The following TMEM232 variants were observed in gnomAD, a reference collection of about 807,000 sequenced individuals.
TMEM232 encodes the protein transmembrane protein 232.
Under a neutral mutation model 78.8 loss-of-function variants are expected in TMEM232, and 80 were observed. The ratio of observed to expected loss-of-function variants is 1.01; its 90% CI spans 0.85 to 1.22. The LOEUF (loss-of-function observed/expected upper bound fraction) is 1.22, where lower values mean the gene tolerates loss of function less well. Ranked by LOEUF, TMEM232 falls within the 50% of genes most tolerant of loss-of-function variation. TMEM232 has a pLI of 0.00. For synonymous variants in TMEM232, 297 were observed against 254.3 expected (o/e 1.17, Z -1.60); for missense variants, 881 against 742.2 (o/e 1.19, Z -2.17).
At chr5:110,569,410 A>G (rs1452679855) in intron 10 of TMEM232, among the ~76,000 whole-genome samples, 2 of 151,834 alleles carry the variant, frequency 1.3e-5, no homozygotes, top group Non-Finnish European at 2.9e-5. Context: ...GATTTGGGAG[A>G]AATAAATTTG....
chr5:110,608,394 C>T (rs1444741880), intron 8 of TMEM232, among the ~76,000 whole-genome samples: 2 of 151,664 alleles, frequency 1.3e-5, no homozygotes, highest in Non-Finnish European at 2.9e-5. Flanking sequence ...TCCAGATGAC[C>T]ACCAAGATGG....
At chr5:110,628,672 TGTGTG>T (rs1784726758) in intron 5 of TMEM232, among the ~76,000 whole-genome samples, 1 of 142,016 alleles carries the variant, frequency 7.0e-6, no homozygotes, top group African/African-American at 3.0e-5. Flanking sequence ...AGTGTGTGTG[TGTGTG>T]TGTGTGTGTG....
At chr5:110,499,631 C>CCCG (rs201848496) in intron 12 of TMEM232, among the ~76,000 whole-genome samples, 18 of 124,534 alleles carry the variant, frequency 1.4e-4, no homozygotes, top group Admixed American at 4.5e-4. Flanking sequence ...GTATACACCC[C>CCCG]CCCCCACACA....
intron 12 of TMEM232, among the ~76,000 whole-genome samples, chr5:110,468,941 G>T (rs897759506): frequency 6.6e-6 from 1 of 152,098 alleles, no homozygotes; most frequent in African/African-American, 2.4e-5. Flanking sequence ...GAGAACAAAA[G>T]AAAATACCTG....
intron 11 of TMEM232, among the ~76,000 whole-genome samples, chr5:110,535,930 A>G (rs1193493619): frequency 6.6e-6 from 1 of 152,060 alleles, no homozygotes; most frequent in Non-Finnish European, 1.5e-5. Flanking sequence ...ACCAGAAGCT[A>G]CTCTCCTTGC....
At chr5:110,646,736 G>C (rs1377990438) in intron 2 of TMEM232, among the ~76,000 whole-genome samples, 1 of 151,822 alleles carries the variant, frequency 6.6e-6, no homozygotes, top group African/African-American at 2.4e-5. Flanking sequence ...ACAATCAACA[G>C]AGTGAACAGG....
In TMEM232 at chr5:110,420,081, G is replaced by T. The variant is rs1302257433; in HGVS notation, c.*499C>A. 1 of 152,302 alleles carries T rather than the reference G, an allele frequency of 6.6e-6. No individual in the cohort carries two copies. Among genetic ancestry groups the T allele is most frequent in the Non-Finnish European group, 1.5e-5 (1 of 68,218 alleles). The allele number at this position is 152,302 out of a possible 1,614,324, so 9.4% of individuals were successfully genotyped here. A position where few individuals can be genotyped will look rare whatever the true frequency, so the allele number is the denominator to read the frequency against. On this transcript the variant is annotated 3_prime_UTR_variant, in exon 14 of 14. Transcript: ENST00000455884. ...TCTGAAATAGGGTTTGTTTGGTTTG[G>T]TATAAATTGACTATAAAATGCCAAT... is the stretch of plus-strand genomic sequence containing the variant.
intron 3 of TMEM232, among the ~76,000 whole-genome samples, chr5:110,393,820 G>C (rs1485528100): frequency 6.6e-6 from 1 of 151,724 alleles, no homozygotes; most frequent in Non-Finnish European, 1.5e-5. Context: ...AGCCAGGCAT[G>C]GTAGGCGGGC....
intron 1 of TMEM232, chr5:110,725,498 T>A (rs562804477): frequency 6.6e-6 from 1 of 152,338 alleles, no homozygotes; most frequent in South Asian, 2.1e-4. Flanking sequence ...ATGATTCTGA[T>A]AATGAATCAG....
chr5:110,453,339 A>G (rs1400566748), intron 12 of TMEM232, among the ~76,000 whole-genome samples: 1 of 151,996 alleles, frequency 6.6e-6, no homozygotes, highest in Non-Finnish European at 1.5e-5. Context: ...GTCTCACTCC[A>G]TCGCCAGGCT....
chr5:110,560,905 T>G (rs141281597), intron 11 of TMEM232, among the ~76,000 whole-genome samples: 1 of 152,148 alleles, frequency 6.6e-6, no homozygotes, highest in Admixed American at 6.6e-5. Flanking sequence ...ATCCCAACTT[T>G]AATCATCCAT....
At chr5:110,650,823 T>G (rs150049093) in intron 2 of TMEM232, among the ~76,000 whole-genome samples, 1,785 of 152,200 alleles carry the variant, frequency 0.012, 46 homozygotes, top group African/African-American at 0.04. Flanking sequence ...TGGCCCTTAA[T>G]AGTCATGTAT....
intron 12 of TMEM232, among the ~76,000 whole-genome samples, chr5:110,451,463 T>C (rs1760270754): frequency 6.6e-6 from 1 of 152,172 alleles, no homozygotes; most frequent in South Asian, 2.1e-4. Context: ...AAGTCTTAGG[T>C]TGGTTTGCAA....
At chr5:110,654,624 G>A (rs1788780034) in intron 2 of TMEM232, among the ~76,000 whole-genome samples, 1 of 152,126 alleles carries the variant, frequency 6.6e-6, no homozygotes, top group African/African-American at 2.4e-5. Flanking sequence ...TTGACTTGGT[G>A]ATGTGGGCTC....
intron 12 of TMEM232, among the ~76,000 whole-genome samples, chr5:110,489,926 C>A (rs1049802057): frequency 4.0e-5 from 6 of 151,802 alleles, no homozygotes; most frequent in Non-Finnish European, 7.4e-5. Flanking sequence ...GAGATTGAGA[C>A]CATCCTGGCC....
chr5:110,642,453 T>G (rs961404279), intron 2 of TMEM232, 82 bp from the exon 3 acceptor site: 45 of 922,418 alleles, frequency 4.9e-5, no homozygotes, highest in Middle Eastern at 3.5e-4. Context: ...CCAGTGGCTA[T>G]GTATAACTAT....
At chr5:110,666,927 T>C (rs1354901587) in intron 2 of TMEM232, 1 of 194,940 alleles carries the variant, frequency 5.1e-6, no homozygotes, top group Non-Finnish European at 1.0e-5. Context: ...AGCAAAGGTC[T>C]TAGAACTAAA....
At chr5:110,527,930 C>T (rs967449798) in intron 12 of TMEM232, among the ~76,000 whole-genome samples, 7 of 151,768 alleles carry the variant, frequency 4.6e-5, no homozygotes, top group Middle Eastern at 3.2e-3. Context: ...TAAAATAGGG[C>T]CTGTGTTATA....
At chr5:110,635,035 G>A (rs973916293) in intron 5 of TMEM232, among the ~76,000 whole-genome samples, 2 of 151,912 alleles carry the variant, frequency 1.3e-5, no homozygotes, top group Non-Finnish European at 2.9e-5. Flanking sequence ...AAGTACAAAA[G>A]ATCATCAGAG....
Sources: gnomAD v4.1 joint callset for allele counts (sites outside exome capture counted in the v4.1 genomes callset) on GRCh38, gnomAD v4.1.1 for gene constraint, MANE v1.5 for transcripts, NCBI Gene and HGNC (gene_info 2026-07-23, HGNC 2026-07-21) for gene names.